NMNAT3: variants seen among roughly 807,000 people sequenced by gnomAD.
NMNAT3 encodes nicotinamide/nicotinic acid mononucleotide adenylyltransferase 3.
NMNAT3 carries 21 observed loss-of-function variants against 24.8 expected under a neutral mutation model. The observed-to-expected ratio is 0.85, with a 90% CI of 0.60 to 1.22. The LOEUF (loss-of-function observed/expected upper bound fraction) is 1.22, where lower values mean the gene tolerates loss of function less well. NMNAT3 is among the 50% of genes most tolerant of loss of function. The probability of loss-of-function intolerance (pLI) is 0.00; values close to 1 mark genes in which losing one functional copy is unlikely to be tolerated. For synonymous variants in NMNAT3, 136 were observed against 155.2 expected (o/e 0.88, Z 0.92); for missense variants, 387 against 436.6 (o/e 0.89, Z 1.01).
chr3:139,578,825 A>T, intron 5 of NMNAT3, 47 bp downstream of exon 5: 1 of 1,527,288 alleles, frequency 6.5e-7, no homozygotes, highest in Non-Finnish European at 8.9e-7. Context: ...CTCTGCAGAC[A>T]TCTCCCGTGG....
intron 6 of NMNAT3, among the ~76,000 whole-genome samples, chr3:139,564,992 A>T (rs1367755540): frequency 6.6e-6 from 1 of 152,218 alleles, no homozygotes; most frequent in Non-Finnish European, 1.5e-5. Flanking sequence ...AGACATGCTA[A>T]CAGATGGGAA....
intron 1 of NMNAT3, among the ~76,000 whole-genome samples, chr3:139,647,291 T>C (rs77612042): frequency 1.7e-3 from 262 of 152,338 alleles, no homozygotes; most frequent in Non-Finnish European, 3.0e-3. Flanking sequence ...AAGTTTTCAA[T>C]GTACAGAGCA....
At chr3:139,626,222 C>T (rs1290818676) in intron 3 of NMNAT3, among the ~76,000 whole-genome samples, 1 of 151,998 alleles carries the variant, frequency 6.6e-6, no homozygotes, top group African/African-American at 2.4e-5. Context: ...CCTTTGTTTT[C>T]CCCTTCTGGG....
chr3:139,575,298 C>T (rs886439038), intron 5 of NMNAT3, among the ~76,000 whole-genome samples: 1 of 152,102 alleles, frequency 6.6e-6, no homozygotes, highest in Non-Finnish European at 1.5e-5. Context: ...TTTTCATTAT[C>T]GTTTTACTGC....
intron 1 of NMNAT3, among the ~76,000 whole-genome samples, chr3:139,647,147 GA>G (rs2056897724): frequency 6.6e-6 from 1 of 152,162 alleles, no homozygotes; most frequent in Non-Finnish European, 1.5e-5. Context: ...ATTGAAAAAT[GA>G]AGATGGGCAC....
At chr3:139,667,685 A>C (rs2057628446) in intron 1 of NMNAT3, among the ~76,000 whole-genome samples, 1 of 152,196 alleles carries the variant, frequency 6.6e-6, no homozygotes, top group African/African-American at 2.4e-5. Context: ...AGAGACAATA[A>C]AATTATAGTT....
chr3:139,581,116 C>T (rs1035730169), intron 4 of NMNAT3, among the ~76,000 whole-genome samples: 1 of 152,100 alleles, frequency 6.6e-6, no homozygotes, highest in South Asian at 2.1e-4. Flanking sequence ...AACATTCAGA[C>T]AATTGACCTG....
intron 3 of NMNAT3, among the ~76,000 whole-genome samples, chr3:139,625,106 G>A (rs1008689089): frequency 3.3e-5 from 5 of 152,114 alleles, no homozygotes; most frequent in Non-Finnish European, 5.9e-5. Context: ...TTTATCCCAC[G>A]TAATATTCAT....
intron 3 of NMNAT3, among the ~76,000 whole-genome samples, chr3:139,585,178 G>A (rs2053881907): frequency 6.6e-6 from 1 of 152,164 alleles, no homozygotes; most frequent in African/African-American, 2.4e-5. Flanking sequence ...ATTGGCAATT[G>A]TGGGGTGTTG....
chr3:139,589,164 T>C (rs1398476479), intron 3 of NMNAT3, among the ~76,000 whole-genome samples: 1 of 152,184 alleles, frequency 6.6e-6, no homozygotes, highest in African/African-American at 2.4e-5. Flanking sequence ...AGGAATTGTA[T>C]GCAGGAATTG....
chr3:139,654,498 TATAAC>T (rs1394112230), intron 1 of NMNAT3, among the ~76,000 whole-genome samples: 5 of 152,206 alleles, frequency 3.3e-5, no homozygotes, highest in Non-Finnish European at 7.3e-5. Flanking sequence ...CTTCAGTACT[TATAAC>T]AATATCACAA....
chr3:139,632,388 T>C (rs1398178855), intron 2 of NMNAT3, among the ~76,000 whole-genome samples: 1 of 152,196 alleles, frequency 6.6e-6, no homozygotes, highest in Non-Finnish European at 1.5e-5. Flanking sequence ...TCAACAGGGA[T>C]ATGCTGGCCT....
At chr3:139,612,180 A>AG (rs1301069930) in intron 3 of NMNAT3, among the ~76,000 whole-genome samples, 3 of 151,958 alleles carry the variant, frequency 2.0e-5, no homozygotes, top group African/African-American at 7.2e-5. Context: ...AAAAAAAAAA[A>AG]AAATGCATAG....
At chr3:139,617,742 C>G (rs1297633973) in intron 3 of NMNAT3, among the ~76,000 whole-genome samples, 1 of 152,132 alleles carries the variant, frequency 6.6e-6, no homozygotes, top group Admixed American at 6.5e-5. Context: ...GTCTCAATAA[C>G]AGTAAACAGA....
chr3:139,624,595 T>A (rs1293315458), intron 3 of NMNAT3, among the ~76,000 whole-genome samples: 1 of 152,034 alleles, frequency 6.6e-6, no homozygotes, highest in Non-Finnish European at 1.5e-5. Flanking sequence ...ATTACAGGTG[T>A]GTGCCACCAC....
chr3:139,576,035 C>T (rs1420327948), intron 5 of NMNAT3: 45 of 1,288,754 alleles, frequency 3.5e-5, no homozygotes, highest in Non-Finnish European at 8.1e-6. Flanking sequence ...CTGCAAAGAA[C>T]AAACTATCTT....
chr3:139,657,572 G>C (rs779130335), intron 1 of NMNAT3, among the ~76,000 whole-genome samples: 1 of 152,238 alleles, frequency 6.6e-6, no homozygotes, highest in East Asian at 1.9e-4. Context: ...AGCATATGCT[G>C]TGGTGGGGTG....
chr3:139,575,276 C>T (rs1939126632), intron 5 of NMNAT3, among the ~76,000 whole-genome samples: 2 of 152,124 alleles, frequency 1.3e-5, no homozygotes, highest in Non-Finnish European at 2.9e-5. Context: ...TAGAGCCTGG[C>T]TGGACTCAGT....
intron 3 of NMNAT3, among the ~76,000 whole-genome samples, chr3:139,621,631 C>T (rs2055779380): frequency 6.6e-6 from 1 of 152,212 alleles, no homozygotes; most frequent in Admixed American, 6.5e-5. Flanking sequence ...CTTGGCCTCC[C>T]AAAGTGCTGG....
Sources: allele counts gnomAD v4.1 joint callset (sites outside exome capture counted in the v4.1 genomes callset), GRCh38; gene constraint gnomAD v4.1.1; transcripts MANE v1.5; gene names NCBI Gene and HGNC (gene_info 2026-07-23, HGNC 2026-07-21).